The following NOTCH1 variants were observed in gnomAD, a reference collection of about 807,000 sequenced individuals.
NOTCH1 encodes neurogenic locus notch homolog protein 1.
NOTCH1 carries 37 observed loss-of-function variants against 254.8 expected under a neutral mutation model. That is an observed-to-expected ratio of 0.15 (90% CI 0.11 to 0.19). NOTCH1 has a LOEUF of 0.19. Among genes scored for constraint, NOTCH1 ranks in the 10% least tolerant of loss-of-function variants. The pLI, the probability that NOTCH1 is intolerant of heterozygous loss-of-function variation, is 1.00. For synonymous variants in NOTCH1, 1,731 were observed against 1,618.1 expected, an observed-to-expected ratio of 1.07 and a Z score of -1.68; for missense variants, 2,972 against 3,708.6, an observed-to-expected ratio of 0.80 and a Z score of 5.16.
chr9:136,501,511 G>C (rs973337943), intron 30 of NOTCH1, among the ~76,000 whole-genome samples: 3 of 152,040 alleles, frequency 2.0e-5, no homozygotes, highest in Non-Finnish European at 4.4e-5. Flanking sequence ...TCAGAAAAGA[G>C]TAATTTACAG....
In NOTCH1 at chr9:136,506,653, C is replaced by A. The variant is rs1343025252; in HGVS notation, c.3902-14G>T. On this transcript the variant is annotated splice_polypyrimidine_tract_variant and intron_variant, in intron 23 of 33. Transcript: ENST00000651671. The surrounding 1 kb of genome is among the most constrained non-coding windows in gnomAD (Gnocchi z 4.5). ...CGCAGCGGCGCCCTAGGGGTAAGAG[C>A]AGGGCAGTGAGAGGCTCACCCTGCT... is the stretch of plus-strand genomic sequence containing the variant. The A allele has an allele frequency of 6.2e-7, 1 of 1,601,536 alleles. No homozygotes were observed.
chr9:136,499,221 G>A lies in NOTCH1; in HGVS notation c.5973C>T (p.Arg1991=). 6.2e-7 allele frequency: 1 copy of A among 1,613,338 alleles called. No homozygotes were observed. The change falls in exon 32 of 34, where the codon CGC becomes CGT. Residue 1991 remains arginine (R), a synonymous_variant. Transcript: ENST00000651671. The part of the protein sequence containing the change: ...IRNRATDLDA[R]MHDGTTPLIL... ...TCAGTGGCGTCGTGCCATCATGCAT[G>A]CGGGCATCCAGGTCTGTGGCTCGGT...
At chr9:136,507,203 C>G in intron 22 of NOTCH1, 102 bp downstream of exon 22, 1 of 1,589,836 alleles carries the variant, frequency 6.3e-7, no homozygotes, top group Non-Finnish European at 8.6e-7. Flanking sequence ...ATGGGAGTTT[C>G]TGGCTGGTTC....
Position 136,509,017 on chromosome 9 carries a change from C to A in NOTCH1, c.3024G>T (p.Leu1008=). 1.3e-6 allele frequency: 2 copies of A among 1,563,408 alleles called. No homozygotes were observed. The highest frequency in any genetic ancestry group is 4.8e-5 in the East Asian group (2 of 42,064). ...CVDGINSFTC[L]CPPGFTGSYC... ...AGCTGCCCGTGAAGCCGGGTGGACA[C>A]AGGCAGGTGAACGAGTTGATGCCGT... The change falls in exon 19 of 34, where the codon CTG becomes CTT. Residue 1008 remains leucine, a synonymous_variant. Coordinates refer to ENST00000651671, the MANE Select transcript of NOTCH1 (RefSeq NM_017617.5).
chr9:136,523,572 G>C lies in NOTCH1; in HGVS notation c.403+145C>G, dbSNP rs377109335. The C allele has an allele frequency of 2.4e-4, 246 of 1,033,042 alleles. 1 individual carries two copies. In the East Asian group the frequency reaches 5.5e-3, roughly 23 times the overall value. The allele number at this position is 1,033,042 out of a possible 1,614,324, so 64.0% of individuals were successfully genotyped here. ...AACGAGGCGATTCCAGGTCTGGGAG[G>C]GGGGCAGGGACCCTGGGGCAGGGGC... On this transcript the variant is annotated intron_variant, in intron 3 of 33. Transcript: ENST00000651671.
At position 136,494,460 on chromosome 9, in the gene NOTCH1, T is replaced by G. The variant is rs920347593; in HGVS notation, c.*1611A>C. Reference sequence around the variant, plus strand: ...GAAGCCAGATCACCATCAGTATCATTTTTATTGCAAATCAGTTAACAAAAA... The same window carrying G: ...GAAGCCAGATCACCATCAGTATCATGTTTATTGCAAATCAGTTAACAAAAA... On this transcript the variant is annotated 3_prime_UTR_variant, in exon 34 of 34. Coordinates refer to ENST00000651671, the MANE Select transcript of NOTCH1 (RefSeq NM_017617.5). 2 of 399,016 alleles carry G rather than the reference T, an allele frequency of 5.0e-6. No homozygotes were observed. The highest frequency in any genetic ancestry group is 8.8e-6 in the Non-Finnish European group (2 of 226,062). 24.7% of individuals were successfully genotyped at this position (399,016 alleles called of 1,614,324 possible).
Position 136,503,338 on chromosome 9 carries a change from G to C in NOTCH1, c.5019-8C>G, listed in dbSNP as rs2133333808. On this transcript the variant is annotated splice_polypyrimidine_tract_variant and splice_region_variant and intron_variant, in intron 26 of 33. Transcript: ENST00000651671. ...TCCAGGTAGACGATGGAGCTGGGCG[G>C]ACAATCAGAGAGGGGCTGGGACCCG... 6.2e-7 allele frequency: 1 copy of C among 1,612,620 alleles called. No individual in the cohort carries two copies. Among genetic ancestry groups the C allele is most frequent in the South Asian group, 1.1e-5 (1 of 91,074 alleles).
chr9:136,542,530 G>A (rs1843746405), intron 2 of NOTCH1, among the ~76,000 whole-genome samples: 3 of 149,098 alleles, frequency 2.0e-5, no homozygotes, highest in Admixed American at 2.0e-4. Flanking sequence ...GAGGGAGAAG[G>A]GGGCCCCAAA....
intron 25 of NOTCH1, 41 bp from the exon 26 acceptor site, chr9:136,505,145 G>T: frequency 3.8e-6 from 6 of 1,585,650 alleles, no homozygotes; most frequent in Non-Finnish European, 4.3e-6. Context: ...TTCCTCGGGG[G>T]GCCTCGCACC....
intron 6 of NOTCH1, 35 bp from the exon 7 acceptor site, chr9:136,518,327 C>G: frequency 6.3e-7 from 1 of 1,593,468 alleles, no homozygotes; most frequent in Non-Finnish European, 8.5e-7. Flanking sequence ...GGCACGGCCC[C>G]TGGGCCAGGC....
intron 15 of NOTCH1, 138 bp from the exon 16 acceptor site, chr9:136,511,409 T>C: frequency 8.9e-7 from 1 of 1,128,060 alleles, no homozygotes; most frequent in Non-Finnish European, 1.3e-6. Flanking sequence ...CCGAGACCCC[T>C]GAGCGCTCCC....
rs1280982934 is a variant in NOTCH1 at position 136,522,743 on chromosome 9, G to A, written c.742+107C>T. 154 of 1,119,032 alleles carry A rather than the reference G, an allele frequency of 1.4e-4. 2 individuals carry two copies. In the South Asian group the frequency reaches 2.3e-3, roughly 16 times the overall value. The allele number at this position is 1,119,032 out of a possible 1,614,324, so 69.3% of individuals were successfully genotyped here. ...CGCCATCCCGCCTTCCCAACTCCCC[G>A]CCATGGGCCCTCCCAGGGCTGCCCC... On this transcript the variant is annotated intron_variant, in intron 4 of 33. Transcript: ENST00000651671.
Position 136,517,728 on chromosome 9 carries a change from CCGCCCT to C in NOTCH1, c.1441+18_1441+23del. Reference sequence around the variant, plus strand: ...GGCTGCCCAGCCTCGACTCGGTTTCCCGCCCTGGCCCCGGCCGACGCACCGGGCATG... The same window carrying C: ...GGCTGCCCAGCCTCGACTCGGTTTCCGGCCCCGGCCGACGCACCGGGCATG... On this transcript the variant is annotated intron_variant, in intron 8 of 33. Transcript: ENST00000651671. The C allele has an allele frequency of 6.2e-7, 1 of 1,612,314 alleles. No individual in the cohort carries two copies. Among genetic ancestry groups the C allele is most frequent in the South Asian group, 1.1e-5 (1 of 91,076 alleles).
chr9:136,519,023 A>G (rs1843324266), intron 5 of NOTCH1, among the ~76,000 whole-genome samples, 199 bp from the exon 6 acceptor site: 1 of 152,186 alleles, frequency 6.6e-6, no homozygotes, highest in African/African-American at 2.4e-5. Context: ...CTCTGTGGAC[A>G]CTGCTGCGTC....
In NOTCH1 at chr9:136,523,890, A is replaced by T. The variant is rs760700593; in HGVS notation, c.230T>A (p.Val77Glu). ...ATAGTCTGCCACGCCTCTGCGGTCC[A>T]CCACGTGGCATGTCCCGGCGTTCTT... ...PCKNAGTCHV[V>E]DRRGVADYAC... Residue 77 changes from valine (V) to glutamate (E), a missense_variant, in exon 3 of 34, where the codon GTG becomes GAG. This residue lies in a region of NOTCH1 where 374 missense variants were observed against 496.3 expected (regional missense o/e 0.75). Coordinates refer to ENST00000651671, the MANE Select transcript of NOTCH1 (RefSeq NM_017617.5). The T allele has an allele frequency of 6.2e-7, 1 of 1,609,212 alleles. No homozygotes were observed. Among genetic ancestry groups the T allele is most frequent in the South Asian group, 1.1e-5 (1 of 90,248 alleles).
chr9:136,520,597 C>A (rs1047952585), intron 4 of NOTCH1, among the ~76,000 whole-genome samples: 28 of 152,188 alleles, frequency 1.8e-4, no homozygotes, highest in Admixed American at 1.7e-3. Context: ...AGTAGCAAAG[C>A]GTGGTGGCGC....
intron 15 of NOTCH1, 30 bp from the exon 16 acceptor site, chr9:136,511,301 G>A (rs1843178486): frequency 6.3e-7 from 1 of 1,594,768 alleles, no homozygotes; most frequent in Non-Finnish European, 8.5e-7. Flanking sequence ...GTGACCCCGG[G>A]AGCCTCACCC....
At chr9:136,534,635 AG>A (rs1564210184) in intron 2 of NOTCH1, among the ~76,000 whole-genome samples, 1 of 152,038 alleles carries the variant, frequency 6.6e-6, no homozygotes, top group Non-Finnish European at 1.5e-5. Context: ...CTGTGGCGGC[AG>A]GCGCTGTGGG....
In NOTCH1 at chr9:136,497,346, G is replaced by A. The variant is rs1390112624; in HGVS notation, c.6393C>T (p.Gly2131=). The stretch of plus-strand genomic sequence containing the variant: ...AGAGCGGGGGCGACAGGGTGGGCGT[G>A]CCCCCCAGCGGGGCTCCGTGCAGCT... The part of the protein sequence containing the change: ...SPQLHGAPLG[G]TPTLSPPLCS... The change falls in exon 34 of 34, where the codon GGC becomes GGT. Residue 2131 remains glycine (G), a synonymous_variant. Coordinates refer to ENST00000651671, the MANE Select transcript of NOTCH1 (RefSeq NM_017617.5). The A allele has an allele frequency of 6.2e-7, 1 of 1,606,258 alleles. No homozygotes were observed. Among genetic ancestry groups the A allele is most frequent in the South Asian group, 1.1e-5 (1 of 90,996 alleles).
Sources: allele counts gnomAD v4.1 joint callset (sites outside exome capture counted in the v4.1 genomes callset), GRCh38; gene constraint gnomAD v4.1.1; regional missense constraint gnomAD v4.1.1; non-coding constraint Gnocchi (gnomAD v3.1); transcripts MANE v1.5; gene names NCBI Gene and HGNC (gene_info 2026-07-23, HGNC 2026-07-21).